ATRNL1: variants seen among roughly 807,000 people sequenced by gnomAD.
The protein encoded by ATRNL1 is attractin-like protein 1.
ATRNL1 carries 95 observed loss-of-function variants against 182.7 expected under a neutral mutation model. That is an observed-to-expected ratio of 0.52 (90% confidence interval 0.44 to 0.62). The LOEUF (loss-of-function observed/expected upper bound fraction) is 0.62, where lower values mean the gene tolerates loss of function less well. Ranked by LOEUF, ATRNL1 falls within the 20% of genes least tolerant of loss-of-function variation. ATRNL1 has a pLI of 0.00. For synonymous variants in ATRNL1, 576 were observed against 568.3 expected, an observed-to-expected ratio of 1.01 and a Z score of -0.19; for missense variants, 1,471 against 1,679.5, an observed-to-expected ratio of 0.88 and a Z score of 2.17.
At chr10:115,255,115 C>T (rs186646600) in intron 10 of ATRNL1, among the ~76,000 whole-genome samples, 17 of 152,246 alleles carry the variant, frequency 1.1e-4, no homozygotes, top group East Asian at 1.9e-4. Context: ...CTTGGCAATG[C>T]GGACTCTTTT....
At chr10:115,821,623 G>A (rs1346269832) in intron 27 of ATRNL1, among the ~76,000 whole-genome samples, 8 of 152,076 alleles carry the variant, frequency 5.3e-5, no homozygotes, top group Non-Finnish European at 1.2e-4. Context: ...AAAAAAGCAA[G>A]GGTTGCAATC....
At chr10:115,524,847 C>T (rs959546186) in intron 25 of ATRNL1, among the ~76,000 whole-genome samples, 14 of 152,162 alleles carry the variant, frequency 9.2e-5, no homozygotes, top group Non-Finnish European at 1.8e-4. Context: ...AATAAGAGGA[C>T]ATGATGATAT....
chr10:115,573,435 C>G (rs1317103782), intron 26 of ATRNL1, among the ~76,000 whole-genome samples: 1 of 151,468 alleles, frequency 6.6e-6, no homozygotes, highest in East Asian at 2.0e-4. Flanking sequence ...TCAGGGTTTA[C>G]ATGGGGGCAG....
intron 25 of ATRNL1, among the ~76,000 whole-genome samples, chr10:115,538,869 A>T (rs1220999859): frequency 6.6e-6 from 1 of 152,242 alleles, no homozygotes; most frequent in Non-Finnish European, 1.5e-5. Flanking sequence ...GATGGTACTT[A>T]TAAGATTATA....
chr10:115,209,333 G>A (rs1317976245), intron 8 of ATRNL1, among the ~76,000 whole-genome samples: 9 of 149,602 alleles, frequency 6.0e-5, no homozygotes, highest in African/African-American at 2.2e-4. Flanking sequence ...ACTTGTTTCT[G>A]TTTCTTTTAG....
At chr10:115,141,275 A>G (rs1201490832) in intron 5 of ATRNL1, among the ~76,000 whole-genome samples, 3 of 152,148 alleles carry the variant, frequency 2.0e-5, no homozygotes, top group African/African-American at 7.2e-5. Flanking sequence ...ATGTTTTATA[A>G]GGTTATTACT....
chr10:115,323,152 T>C lies in ATRNL1; in HGVS notation c.3037+7416T>C, dbSNP rs562119160. Among the ~76,000 whole-genome samples the C allele has an allele frequency of 1.3e-4, 20 of 152,278 alleles. No individual in the cohort carries two copies. The East Asian group carries it at 3.9e-3, about 29-fold the overall frequency. On this transcript the variant is annotated intron_variant, in intron 18 of 28. Coordinates refer to ENST00000355044, the MANE Select transcript of ATRNL1 (RefSeq NM_207303.4). ...TAAAATTAATGATGTCCCATATGTT[T>C]TTCCAAGCTCTGCTTACTTTTCTCC... is the stretch of plus-strand genomic sequence containing the variant.
intron 26 of ATRNL1, among the ~76,000 whole-genome samples, chr10:115,579,075 G>T (rs1565182330): frequency 1.3e-5 from 2 of 151,484 alleles, no homozygotes; most frequent in Non-Finnish European, 3.0e-5. Flanking sequence ...TTCTTGATAT[G>T]ATTTTGATCT....
At chr10:115,635,496 A>G (rs2769419) in intron 26 of ATRNL1, among the ~76,000 whole-genome samples, 86,237 of 151,918 alleles carry the variant, frequency 0.57, 25,158 homozygotes, top group East Asian at 0.96. Context: ...GATTTGAAAA[A>G]GATGTGTAGC....
At chr10:115,135,505 A>G (rs1298059889) in intron 5 of ATRNL1, among the ~76,000 whole-genome samples, 1 of 152,208 alleles carries the variant, frequency 6.6e-6, no homozygotes, top group Non-Finnish European at 1.5e-5. Flanking sequence ...TTCAAGGAGG[A>G]CTACAAACCA....
At chr10:115,854,238 CAT>C (rs1589607439) in intron 28 of ATRNL1, among the ~76,000 whole-genome samples, 1 of 152,212 alleles carries the variant, frequency 6.6e-6, no homozygotes, top group African/African-American at 2.4e-5. Context: ...GAGTGATAAA[CAT>C]AGTCATTAAA....
chr10:115,575,866 C>T (rs1279723256), intron 26 of ATRNL1, among the ~76,000 whole-genome samples: 2 of 152,016 alleles, frequency 1.3e-5, no homozygotes, highest in Non-Finnish European at 2.9e-5. Context: ...TACCTAACTT[C>T]AAGTTTGTAC....
intron 26 of ATRNL1, among the ~76,000 whole-genome samples, chr10:115,698,985 A>AT (rs1327109881): frequency 1.3e-5 from 2 of 152,128 alleles, no homozygotes; most frequent in East Asian, 1.9e-4. Context: ...AGTAAATATG[A>AT]TTTTTTTAAT....
chr10:115,632,866 T>TTTATTTTA (rs1858605725), intron 26 of ATRNL1, among the ~76,000 whole-genome samples: 1 of 142,326 alleles, frequency 7.0e-6, no homozygotes, highest in Non-Finnish European at 1.5e-5. Context: ...ACATTAACTT[T>TTTATTTTA]TTATTTTATT....
chr10:115,439,631 C>T (rs182808807), intron 21 of ATRNL1, among the ~76,000 whole-genome samples: 110 of 151,938 alleles, frequency 7.2e-4, no homozygotes, highest in African/African-American at 2.5e-3. Context: ...ACATACTTAC[C>T]TTAAATGATA....
chr10:115,463,823 A>G (rs1359792090), intron 22 of ATRNL1, among the ~76,000 whole-genome samples: 1 of 152,014 alleles, frequency 6.6e-6, no homozygotes, highest in East Asian at 1.9e-4. Context: ...TGTAGCATGT[A>G]TCGGAGGTCA....
intron 21 of ATRNL1, among the ~76,000 whole-genome samples, chr10:115,438,599 T>C (rs2134438063): frequency 6.6e-6 from 1 of 152,178 alleles, no homozygotes. Flanking sequence ...TCATGCAATG[T>C]GTTTTACTCA....
chr10:115,340,315 G>T (rs1455546683), intron 19 of ATRNL1, among the ~76,000 whole-genome samples: 1 of 151,868 alleles, frequency 6.6e-6, no homozygotes, highest in Admixed American at 6.6e-5. Context: ...GTTAATTTTT[G>T]GATTTTTAGT....
At chr10:115,744,979 T>C (rs1948248414) in intron 27 of ATRNL1, among the ~76,000 whole-genome samples, 1 of 152,200 alleles carries the variant, frequency 6.6e-6, no homozygotes, top group Non-Finnish European at 1.5e-5. Flanking sequence ...GTTCTACAAG[T>C]GTGTGCAGTC....
Sources: allele counts gnomAD v4.1 joint callset (sites outside exome capture counted in the v4.1 genomes callset), GRCh38; gene constraint gnomAD v4.1.1; transcripts MANE v1.5; gene names NCBI Gene and HGNC (gene_info 2026-07-23, HGNC 2026-07-21).